MAML2: variants seen among roughly 807,000 people sequenced by gnomAD.
MAML2 encodes the protein mastermind like transcriptional coactivator 2.
A neutral mutation model predicts 96.1 loss-of-function variants in MAML2; 22 were observed. That is an observed-to-expected ratio of 0.23 (90% CI 0.16 to 0.33). The LOEUF (loss-of-function observed/expected upper bound fraction) is 0.33, where lower values mean the gene tolerates loss of function less well. MAML2 is among the 10% of genes least tolerant of loss of function. The pLI, the probability that MAML2 is intolerant of heterozygous loss-of-function variation, is 1.00. For missense variants in MAML2, 1,367 were observed against 1,392.4 expected, an observed-to-expected ratio of 0.98 and a Z score of 0.29; for synonymous variants, 561 against 521.3, an observed-to-expected ratio of 1.08 and a Z score of -1.04.
At chr11:96,304,069 T>C (rs1168518409) in intron 1 of MAML2, among the ~76,000 whole-genome samples, 1 of 152,198 alleles carries the variant, frequency 6.6e-6, no homozygotes, top group East Asian at 1.9e-4. Flanking sequence ...CCGTTTGATC[T>C]TTGATCATCA....
intron 3 of MAML2, among the ~76,000 whole-genome samples, chr11:95,987,779 T>G (rs971022157): frequency 9.2e-5 from 14 of 152,190 alleles, no homozygotes; most frequent in Non-Finnish European, 2.9e-5. Context: ...CATAAGTAAT[T>G]CATATAAAAC....
rs574673733 is a variant in MAML2, at chr11:95,984,121, A to G, written c.2455+1410T>C. On this transcript the variant is annotated intron_variant, in intron 4 of 4. Coordinates refer to ENST00000524717, the MANE Select transcript of MAML2 (RefSeq NM_032427.4). ...CTGTACCTTTTCTATGTTTAGATAC[A>G]CACAAACTTACCATTGTGTTATAAC... 1.6e-4 allele frequency among the ~76,000 whole-genome samples: 24 copies of G among 152,312 alleles called. No individual in the cohort carries two copies. In the South Asian group the frequency reaches 1.7e-3, roughly 11 times the overall value.
At chr11:96,014,822 G>T (rs1046286659) in intron 2 of MAML2, among the ~76,000 whole-genome samples, 1 of 152,122 alleles carries the variant, frequency 6.6e-6, no homozygotes, top group African/African-American at 2.4e-5. Flanking sequence ...AGATGGCATG[G>T]AACATTGAAG....
At chr11:96,130,653 A>C (rs1860532337) in intron 1 of MAML2, among the ~76,000 whole-genome samples, 1 of 152,168 alleles carries the variant, frequency 6.6e-6, no homozygotes, top group African/African-American at 2.4e-5. Flanking sequence ...CAAGGAAAAA[A>C]ATTTAAGATT....
chr11:96,133,543 C>A (rs192008366), intron 1 of MAML2, among the ~76,000 whole-genome samples: 1 of 151,898 alleles, frequency 6.6e-6, no homozygotes, highest in Non-Finnish European at 1.5e-5. Flanking sequence ...CTTGGTCAAT[C>A]GACTTGGCAG....
At chr11:96,142,027 G>A (rs1287397928) in intron 1 of MAML2, among the ~76,000 whole-genome samples, 1 of 152,226 alleles carries the variant, frequency 6.6e-6, no homozygotes, top group Non-Finnish European at 1.5e-5. Context: ...AGTCTGTTAT[G>A]TGTAGCTAAC....
intron 1 of MAML2, among the ~76,000 whole-genome samples, chr11:96,286,252 C>G (rs1397306779): frequency 6.6e-6 from 1 of 152,164 alleles, no homozygotes; most frequent in East Asian, 1.9e-4. Flanking sequence ...CATTTTCTCA[C>G]TTATAAGTGG....
chr11:96,297,568 C>T (rs897719690), intron 1 of MAML2, among the ~76,000 whole-genome samples: 5 of 152,008 alleles, frequency 3.3e-5, no homozygotes, highest in South Asian at 4.1e-4. Context: ...GGCAACAGAA[C>T]GAGACTCCAT....
chr11:96,131,200 A>G (rs1860543414), intron 1 of MAML2, among the ~76,000 whole-genome samples: 1 of 152,182 alleles, frequency 6.6e-6, no homozygotes, highest in South Asian at 2.1e-4. Flanking sequence ...ATAAAGGCAA[A>G]GAATGACAAA....
intron 1 of MAML2, among the ~76,000 whole-genome samples, chr11:96,337,190 T>C (rs959258681): frequency 6.6e-6 from 1 of 152,140 alleles, no homozygotes; most frequent in Non-Finnish European, 1.5e-5. Context: ...AATAGGTCAG[T>C]TTTTAAGGAA....
intron 2 of MAML2, among the ~76,000 whole-genome samples, chr11:96,081,650 G>A (rs571802816): frequency 2.0e-5 from 3 of 152,252 alleles, no homozygotes; most frequent in Admixed American, 6.5e-5. Context: ...TTATTTTATC[G>A]GAGGGTGCTT....
chr11:96,324,019 T>C (rs917640771), intron 1 of MAML2, among the ~76,000 whole-genome samples: 1 of 152,254 alleles, frequency 6.6e-6, no homozygotes, highest in Admixed American at 6.5e-5. Context: ...ATCTGCAGCT[T>C]AGATTAGCAG....
chr11:96,218,405 C>T (rs1373401036), intron 1 of MAML2, among the ~76,000 whole-genome samples: 1 of 152,116 alleles, frequency 6.6e-6, no homozygotes, highest in Non-Finnish European at 1.5e-5. Flanking sequence ...TTTTTTTATC[C>T]TCAGCGTACA....
intron 1 of MAML2, among the ~76,000 whole-genome samples, chr11:96,255,539 A>G (rs1591098984): frequency 6.6e-6 from 1 of 151,966 alleles, no homozygotes. Context: ...TCACTTTCAC[A>G]TTTTTCCTGG....
intron 1 of MAML2, among the ~76,000 whole-genome samples, chr11:96,193,485 C>A (rs570174697): frequency 6.6e-6 from 1 of 152,252 alleles, no homozygotes; most frequent in East Asian, 1.9e-4. Flanking sequence ...CAGAACACTA[C>A]GTTAAAGATA....
rs1372289784 is a variant in MAML2, at chr11:96,026,898, A to AAATG, written c.2140-35176_2140-35175insCATT. Among the ~76,000 whole-genome samples, 4 of 152,088 alleles carry AAATG rather than the reference A, an allele frequency of 2.6e-5. No individual in the cohort carries two copies. The East Asian group carries it at 5.8e-4, about 22-fold the overall frequency. On this transcript the variant is annotated intron_variant, in intron 2 of 4. Coordinates refer to ENST00000524717, the MANE Select transcript of MAML2 (RefSeq NM_032427.4). ...CAAATAAATAAATAAATAAATAAAT[A>AAATG]AATAAATACTCTAATCAAATCTTCA...
chr11:96,265,720 C>T (rs1040931439), intron 1 of MAML2, among the ~76,000 whole-genome samples: 13 of 152,186 alleles, frequency 8.5e-5, no homozygotes, highest in African/African-American at 2.7e-4. Flanking sequence ...TGGAACTCAC[C>T]AGCAGGCACC....
chr11:96,259,144 A>C (rs1342986600), intron 1 of MAML2, among the ~76,000 whole-genome samples: 1 of 152,168 alleles, frequency 6.6e-6, no homozygotes, highest in Non-Finnish European at 1.5e-5. Context: ...CTTAACAACC[A>C]CAGACTCTTC....
chr11:96,261,911 A>C (rs1488990638), intron 1 of MAML2, among the ~76,000 whole-genome samples: 2 of 152,242 alleles, frequency 1.3e-5, no homozygotes, highest in African/African-American at 4.8e-5. Context: ...CAAATATTTA[A>C]ATTCTAAAAT....
Sources: allele counts gnomAD v4.1 joint callset (sites outside exome capture counted in the v4.1 genomes callset), GRCh38; gene constraint gnomAD v4.1.1; transcripts MANE v1.5; gene names NCBI Gene and HGNC (gene_info 2026-07-23, HGNC 2026-07-21).